Variants in PAPLN observed in about 807,000 individuals in gnomAD.
PAPLN encodes the protein papilin.
PAPLN carries 146 observed loss-of-function variants against 159.0 expected under a neutral mutation model. That is an observed-to-expected ratio of 0.92 (90% CI 0.80 to 1.05). The LOEUF (loss-of-function observed/expected upper bound fraction) is 1.05. Among genes scored for constraint, PAPLN ranks in the 50% least tolerant of loss-of-function variants. The probability of loss-of-function intolerance (pLI) is 0.00; values close to 1 mark genes in which losing one functional copy is unlikely to be tolerated. For missense variants in PAPLN, 1,720 were observed against 1,743.9 expected (o/e 0.99, Z 0.24); for synonymous variants, 734 against 702.9 (o/e 1.04, Z -0.70).
intron 18 of PAPLN, 36 bp from the exon 19 acceptor site, chr14:73,262,314 C>T (rs768836488): frequency 3.8e-6 from 6 of 1,562,782 alleles, no homozygotes; most frequent in Non-Finnish European, 5.2e-6. Context: ...TAGTACTGGG[C>T]ACCTCAGTGA....
intron 14 of PAPLN, among the ~76,000 whole-genome samples, chr14:73,255,450 CTGAG>C (rs1448312244): frequency 6.6e-6 from 1 of 152,196 alleles, no homozygotes; most frequent in African/African-American, 2.4e-5. Context: ...TGTTGAATGA[CTGAG>C]TGACTGACTG....
At chr14:73,249,465 G>A (rs1037301310) in intron 5 of PAPLN, among the ~76,000 whole-genome samples, 2 of 152,136 alleles carry the variant, frequency 1.3e-5, no homozygotes, top group Non-Finnish European at 2.9e-5. Flanking sequence ...CCTGAGGTCA[G>A]GAGTTCGAGA....
At position 73,264,219 on chromosome 14, in the gene PAPLN, TGCA is replaced by T; in HGVS notation, c.2872_2874del (p.Gln958del). 6.2e-7 allele frequency: 1 copy of T among 1,613,814 alleles called. No individual in the cohort carries two copies. The highest frequency in any genetic ancestry group is 8.5e-7 in the Non-Finnish European group (1 of 1,179,978). ...CACACCACCCCACTCAGGCACAGGC[TGCA>T]GTTCGACGGATCCCTGATCATCCAC... is the stretch of plus-strand genomic sequence containing the variant. On this transcript the variant is annotated inframe_deletion, in exon 21 of 27. Coordinates refer to ENST00000644200, the MANE Select transcript of PAPLN (RefSeq NM_001365906.3).
intron 12 of PAPLN, 121 bp downstream of exon 12, chr14:73,254,082 T>C (rs1230501537): frequency 8.7e-7 from 1 of 1,144,082 alleles, no homozygotes; most frequent in Non-Finnish European, 1.2e-6. Flanking sequence ...GGTCAGGTCA[T>C]CTTGGAAGCT....
At chr14:73,259,685 C>G in intron 16 of PAPLN, 140 bp downstream of exon 16, 1 of 1,144,518 alleles carries the variant, frequency 8.7e-7, no homozygotes, top group Non-Finnish European at 1.2e-6. Context: ...GCTTTCCTCC[C>G]TGGGCTGCCC....
Position 73,253,811 on chromosome 14 carries a change from C to A in PAPLN, c.1152C>A (p.Ser384=). Residue 384 remains serine, a synonymous_variant, in exon 12 of 27, where the codon TCC becomes TCA. Transcript: ENST00000644200. The part of the protein sequence containing the change: ...CSASCGGGSQ[S]RSVYCISSDG... ...CCTCCTGTGGAGGAGGCTCCCAGTC[C>A]CGCTCCGTGTACTGCATCTCGTCTG... The A allele has an allele frequency of 6.2e-7, 1 of 1,613,384 alleles. No individual in the cohort carries two copies. The highest frequency in any genetic ancestry group is 8.5e-7 in the Non-Finnish European group (1 of 1,179,718).
At position 73,255,094 on chromosome 14, in the gene PAPLN, T is replaced by G. The variant is rs983264225; in HGVS notation, c.1627+76T>G. The G allele has an allele frequency of 1.7e-5, 26 of 1,524,414 alleles. No individual in the cohort carries two copies. In the South Asian group the frequency reaches 3.0e-4, roughly 18 times the overall value. 94.4% of individuals were successfully genotyped at this position (1,524,414 alleles called of 1,614,324 possible). ...CGCTACAAACCCAGCAAGCATGTCC[T>G]GCCTCGGGGCCTCTGCCTGCACTGT... On this transcript the variant is annotated intron_variant, in intron 14 of 26. Transcript: ENST00000644200.
chr14:73,272,485 C>A lies in PAPLN; in HGVS notation c.3668-10C>A, dbSNP rs751221169. 15 of 1,505,080 alleles carry A rather than the reference C, an allele frequency of 1.0e-5. No individual in the cohort carries two copies. The highest frequency in any genetic ancestry group is 1.3e-5 in the Non-Finnish European group (15 of 1,115,374). The allele number at this position is 1,505,080 out of a possible 1,614,324, so 93.2% of individuals were successfully genotyped here. A position where few individuals can be genotyped will look rare whatever the true frequency, so the allele number is the denominator to read the frequency against. ...CCTCACCACCTTCTCTCTCCCCTGT[C>A]GTTCTGCAGCACCCACCGCCCAGCC... On this transcript the variant is annotated splice_polypyrimidine_tract_variant and intron_variant, in intron 26 of 26. Transcript: ENST00000644200.
Position 73,251,795 on chromosome 14 carries a change from C to T in PAPLN, c.802C>T (p.Leu268Phe), listed in dbSNP as rs767136525. The T allele has an allele frequency of 4.4e-6, 7 of 1,604,370 alleles. No homozygotes were observed. The Admixed American group carries it at 8.8e-5, about 20-fold the overall frequency. Residue 268 changes from leucine to phenylalanine, a missense_variant, in exon 9 of 27, where the codon CTC becomes TTC. Physicochemically the swap from Leu to Phe is conservative, Grantham distance 22. Transcript: ENST00000644200. Reference sequence around the variant, plus strand: ...TGAGGGGGACCTGGCCCCTGAGCGACTCCATGCCCGGGGCCCCACCTCGGA... The same window carrying T: ...TGAGGGGGACCTGGCCCCTGAGCGATTCCATGCCCGGGGCCCCACCTCGGA... Reference protein sequence around the residue: ...GAEGDLAPERLHARGPTSEPL... With the variant: ...GAEGDLAPERFHARGPTSEPL...
In PAPLN at chr14:73,260,799, C is replaced by T. The variant is rs955286958; in HGVS notation, c.2076C>T (p.Gly692=). 1.3e-6 allele frequency: 2 copies of T among 1,493,690 alleles called. No individual in the cohort carries two copies. The allele number at this position is 1,493,690 out of a possible 1,614,324, so 92.5% of individuals were successfully genotyped here. The change falls in exon 17 of 27, where the codon GGC becomes GGT. Residue 692 remains glycine (G), a synonymous_variant. Coordinates refer to ENST00000644200, the MANE Select transcript of PAPLN (RefSeq NM_001365906.3). ...CGTATGGTGGTGACAGCACCGGGGG[C>T]ATGCCCAGGTCAAGGGCAGTGGCTT... is the stretch of plus-strand genomic sequence containing the variant. ...TKSYGGDSTG[G]MPRSRAVAST...
At chr14:73,252,800 C>T (rs1337308339) in intron 11 of PAPLN, 25 bp downstream of exon 11, 2 of 1,611,936 alleles carry the variant, frequency 1.2e-6, no homozygotes, top group Non-Finnish European at 8.5e-7. Context: ...GCCCCTCTAC[C>T]CATGATGAGG....
intron 2 of PAPLN, chr14:73,244,358 C>G: frequency 2.8e-6 from 1 of 353,970 alleles, no homozygotes. Flanking sequence ...GCTGTAGGGT[C>G]CCTCCCCTCC....
In PAPLN at chr14:73,252,179, T is replaced by C. The variant is rs756775077; in HGVS notation, c.967+38T>C. 2.3e-5 allele frequency: 36 copies of C among 1,544,018 alleles called. No homozygotes were observed. The South Asian group carries it at 2.8e-4, about 12-fold the overall frequency. The stretch of plus-strand genomic sequence containing the variant: ...ATGGCCCAGGGGAGGGCATGGGCCC[T>C]GTGTGCTGGATCCCACGGCCACAGG... On this transcript the variant is annotated intron_variant, in intron 10 of 26. Coordinates refer to ENST00000644200, the MANE Select transcript of PAPLN (RefSeq NM_001365906.3).
intron 5 of PAPLN, among the ~76,000 whole-genome samples, chr14:73,247,388 T>C (rs2140208056): frequency 6.6e-6 from 1 of 152,354 alleles, no homozygotes; most frequent in South Asian, 2.1e-4. Flanking sequence ...TTTCCCTGCT[T>C]GCGGCAAATG....
rs1337904614 is a variant in PAPLN at position 73,239,769 on chromosome 14, G to A, written c.-6-4G>A. The A allele has an allele frequency of 1.3e-6, 2 of 1,588,314 alleles. No homozygotes were observed. The highest frequency in any genetic ancestry group is 1.1e-5 in the South Asian group (1 of 88,508). On this transcript the variant is annotated splice_polypyrimidine_tract_variant and splice_region_variant and intron_variant, in intron 1 of 26. Transcript: ENST00000644200. ...GCCGCTCTAACCCAATGCGTCTCCCGCAGGCTGAGATGCGGCTGCTCCTGC... is the reference window on the plus strand; with the variant it reads ...GCCGCTCTAACCCAATGCGTCTCCCACAGGCTGAGATGCGGCTGCTCCTGC...
Position 73,272,511 on chromosome 14 carries a change from C to CA in PAPLN, c.3685dup (p.Arg1229LysfsTer17). The CA allele has an allele frequency of 6.4e-7, 1 of 1,562,468 alleles. No homozygotes were observed. ...GTTCTGCAGCACCCACCGCCCAGCC[C>CA]AGGGACCCTGGCAGGGACTGCGTCG... On this transcript the variant is annotated frameshift_variant, in exon 27 of 27. Coordinates refer to ENST00000644200, the MANE Select transcript of PAPLN (RefSeq NM_001365906.3). LOFTEE classifies it high-confidence loss of function.
At chr14:73,271,746 C>G (rs576473496) in intron 26 of PAPLN, among the ~76,000 whole-genome samples, 1 of 152,154 alleles carries the variant, frequency 6.6e-6, no homozygotes, top group Non-Finnish European at 1.5e-5. Flanking sequence ...GTGATCCGCC[C>G]GCCTTGGCCT....
chr14:73,258,255 T>A (rs543786900), intron 14 of PAPLN, among the ~76,000 whole-genome samples: 93 of 152,314 alleles, frequency 6.1e-4, no homozygotes, highest in African/African-American at 2.1e-3. Context: ...ATTGTGGTTT[T>A]GATTTGCATT....
chr14:73,270,372 A>C (rs1163365032), intron 26 of PAPLN, among the ~76,000 whole-genome samples: 3 of 152,248 alleles, frequency 2.0e-5, no homozygotes, highest in Non-Finnish European at 4.4e-5. Context: ...GGGGTGTTAC[A>C]GGGACAAATG....
Sources: gnomAD v4.1 joint callset for allele counts (sites outside exome capture counted in the v4.1 genomes callset) on GRCh38, gnomAD v4.1.1 for gene constraint, MANE v1.5 for transcripts, NCBI Gene and HGNC (gene_info 2026-07-23, HGNC 2026-07-21) for gene names.